ATXN2L: variants seen among roughly 807,000 people sequenced by gnomAD.
The protein encoded by ATXN2L is ataxin-2-like protein.
ATXN2L carries 24 observed loss-of-function variants against 120.7 expected under a neutral mutation model. The observed-to-expected ratio is 0.20, with a 90% CI of 0.14 to 0.28. The LOEUF is 0.28. Among genes scored for constraint, ATXN2L ranks in the 10% least tolerant of loss-of-function variants. The pLI, the probability that ATXN2L is intolerant of heterozygous loss-of-function variation, is 1.00. For missense variants in ATXN2L, 1,312 were observed against 1,432.3 expected, an observed-to-expected ratio of 0.92 and a Z score of 1.36; for synonymous variants, 653 against 568.1, an observed-to-expected ratio of 1.15 and a Z score of -2.13.
At chr16:28,835,007 C>T (rs764967135) in intron 18 of ATXN2L, 51 bp from the exon 19 acceptor site, 9 of 1,580,660 alleles carry the variant, frequency 5.7e-6, no homozygotes, top group Non-Finnish European at 6.9e-6. Context: ...GGCAGGAGGA[C>T]ACCTTCCCAG....
intron 6 of ATXN2L, among the ~76,000 whole-genome samples, chr16:28,827,404 C>T (rs2052521709): frequency 6.6e-6 from 1 of 152,094 alleles, no homozygotes; most frequent in Non-Finnish European, 1.5e-5. Context: ...CACTGCACTC[C>T]AGCCTGGGTG....
At chr16:28,829,635 G>T in intron 7 of ATXN2L, 143 bp downstream of exon 7, 1 of 773,520 alleles carries the variant, frequency 1.3e-6, no homozygotes, top group Non-Finnish European at 2.1e-6. Flanking sequence ...CTGCCTTGTG[G>T]AATTCTTCCC....
rs1179856943 is a variant in ATXN2L at position 28,837,200 on chromosome 16, AAAAT to A, written c.*943_*946del. 6.5e-5 allele frequency: 11 copies of A among 169,718 alleles called. 1 individual carries two copies. The highest frequency in any genetic ancestry group is 6.3e-4 in the South Asian group (4 of 6,368). The allele number at this position is 169,718 out of a possible 1,614,324, so 10.5% of individuals were successfully genotyped here. A position where few individuals can be genotyped will look rare whatever the true frequency, so the allele number is the denominator to read the frequency against. Reference sequence around the variant, plus strand: ...ACTTTTTATTACATAAAAATATTAAAAAATAAATAAAAAAAATAAAATTTTAAAC... The same window carrying A: ...ACTTTTTATTACATAAAAATATTAAAAAATAAAAAAAATAAAATTTTAAAC... On this transcript the variant is annotated 3_prime_UTR_variant, in exon 22 of 22. Transcript: ENST00000336783.
rs754111540 is a variant in ATXN2L, at chr16:28,824,544, T to C, written c.300-822T>C. ...CTGGCGATTGGTGATCCCCGCAGAG[T>C]GGGTAACGGGCTGAATGAGTCATGA... is the stretch of plus-strand genomic sequence containing the variant. On this transcript the variant is annotated intron_variant, in intron 1 of 21. Transcript: ENST00000336783. 5.4e-6 allele frequency: 7 copies of C among 1,286,700 alleles called. No homozygotes were observed. In the South Asian group the frequency reaches 8.7e-5, roughly 16 times the overall value. The allele number at this position is 1,286,700 out of a possible 1,614,324, so 79.7% of individuals were successfully genotyped here.
At chr16:28,833,841 G>C in intron 15 of ATXN2L, 1 of 663,602 alleles carries the variant, frequency 1.5e-6, no homozygotes, top group Non-Finnish European at 2.5e-6. Flanking sequence ...TTGAGCCCCT[G>C]TATTTGGAAG....
intron 4 of ATXN2L, 30 bp from the exon 5 acceptor site, chr16:28,826,210 C>T (rs536824264): frequency 3.7e-6 from 6 of 1,610,802 alleles, no homozygotes; most frequent in African/African-American, 2.7e-5. Context: ...TGAAACTGAC[C>T]CATGGGTGTG....
rs1265206709 is a variant in ATXN2L, at chr16:28,836,115, C to T, written c.3078C>T (p.His1026=). 3.7e-6 allele frequency: 6 copies of T among 1,614,066 alleles called. No individual in the cohort carries two copies. The highest frequency in any genetic ancestry group is 4.2e-6 in the Non-Finnish European group (5 of 1,180,018). ...CCTCACCCTACCCCTACATCGGACA[C>T]CCCCAAGGTGAGCAGCCTGGCCAGG... is the stretch of plus-strand genomic sequence containing the variant. ...STPSPYPYIG[H]PQGEQPGQAP... is the part of the protein sequence containing the mutation. The change falls in exon 22 of 22, where the codon CAC becomes CAT. Residue 1026 remains histidine (H), a synonymous_variant. Transcript: ENST00000336783.
intron 1 of ATXN2L, chr16:28,824,723 G>A: frequency 1.9e-6 from 1 of 535,706 alleles, no homozygotes; most frequent in Non-Finnish European, 2.7e-6. Context: ...CCTCACAGCT[G>A]GCGTGGCTTT....
Position 28,836,578 on chromosome 16 carries a change from T to C in ATXN2L, c.*313T>C. ...GCTCTGGCTTACTGGGAAACAGCGA[T>C]TGACCTGTGCTTCTGACAGCCCCCG... is the stretch of plus-strand genomic sequence containing the variant. On this transcript the variant is annotated 3_prime_UTR_variant, in exon 22 of 22. Coordinates refer to ENST00000336783, the MANE Select transcript of ATXN2L (RefSeq NM_007245.4). The C allele has an allele frequency of 6.4e-6, 10 of 1,570,112 alleles. No homozygotes were observed. Among genetic ancestry groups the C allele is most frequent in the Non-Finnish European group, 8.6e-6 (10 of 1,161,084 alleles).
intron 15 of ATXN2L, chr16:28,833,839 C>T (rs6565216): frequency 0.012 from 8,168 of 657,464 alleles, 344 homozygotes; most frequent in East Asian, 0.12. Flanking sequence ...GCTTGAGCCC[C>T]TGTATTTGGA....
chr16:28,825,338 TTAAG>T lies in ATXN2L; in HGVS notation c.300-24_300-21del, dbSNP rs1483643413. ...GTGGTCTAAGAGGGCTTGAACAGAC[TTAAG>T]TAATTTCTTGTTTTCTTTTATAGGG... On this transcript the variant is annotated intron_variant, in intron 1 of 21. Coordinates refer to ENST00000336783, the MANE Select transcript of ATXN2L (RefSeq NM_007245.4). The T allele has an allele frequency of 1.6e-5, 25 of 1,612,324 alleles. No homozygotes were observed. In the Admixed American group the frequency reaches 4.2e-4, roughly 27 times the overall value.
rs1450124788 is a variant in ATXN2L, at chr16:28,834,611, ATTC to A, written c.2355_2357del (p.Ser786del). On this transcript the variant is annotated inframe_deletion, in exon 18 of 22. Transcript: ENST00000336783. ...CCGCCTCTGGTGGCTGCCACGCCCT[ATTC>A]TTCCTACATCCCCTACAACCCTCAG... 1.9e-6 allele frequency: 3 copies of A among 1,613,788 alleles called. No individual in the cohort carries two copies. The highest frequency in any genetic ancestry group is 2.5e-6 in the Non-Finnish European group (3 of 1,179,980).
rs527797883 is a variant in ATXN2L, at chr16:28,836,335, T to C, written c.*70T>C. Reference sequence around the variant, plus strand: ...GCACCTGTCTGTGAAGTATGTAGGGTGGGCAGAAGCCACAGTCGCCGCCGC... The same window carrying C: ...GCACCTGTCTGTGAAGTATGTAGGGCGGGCAGAAGCCACAGTCGCCGCCGC... On this transcript the variant is annotated 3_prime_UTR_variant, in exon 22 of 22. Coordinates refer to ENST00000336783, the MANE Select transcript of ATXN2L (RefSeq NM_007245.4). The C allele has an allele frequency of 2.5e-6, 4 of 1,612,570 alleles. No homozygotes were observed. The South Asian group carries it at 4.4e-5, about 18-fold the overall frequency.
intron 2 of ATXN2L, 98 bp downstream of exon 2, chr16:28,825,500 C>T: frequency 3.9e-6 from 6 of 1,537,398 alleles, no homozygotes; most frequent in Non-Finnish European, 5.4e-6. Context: ...GTCTAATGTA[C>T]TCAGGAGGGC....
Position 28,824,683 on chromosome 16 carries a change from G to T in ATXN2L, c.300-683G>T, listed in dbSNP as rs532044157. 12 of 900,786 alleles carry T rather than the reference G, an allele frequency of 1.3e-5. No individual in the cohort carries two copies. In the African/African-American group the frequency reaches 1.9e-4, roughly 15 times the overall value. The allele number at this position is 900,786 out of a possible 1,614,324, so 55.8% of individuals were successfully genotyped here. ...GGAGGTAATGTACCTGAGCTAGGTA[G>T]TTCCAAAGCTGCACTCCTGGAGCTT... On this transcript the variant is annotated intron_variant, in intron 1 of 21. Coordinates refer to ENST00000336783, the MANE Select transcript of ATXN2L (RefSeq NM_007245.4).
Position 28,823,220 on chromosome 16 carries a change from C to G in ATXN2L, c.-40C>G. 7.7e-7 allele frequency: 1 copy of G among 1,294,304 alleles called. No homozygotes were observed. The highest frequency in any genetic ancestry group is 1.0e-6 in the Non-Finnish European group (1 of 997,778). 80.2% of individuals were successfully genotyped at this position (1,294,304 alleles called of 1,614,324 possible). Reference sequence around the variant, plus strand: ...GGGCCCCAGCCCCGGCCCCCTCTCTCCCTCCCTTCTCTCTAATTCCCCTTC... The same window carrying G: ...GGGCCCCAGCCCCGGCCCCCTCTCTGCCTCCCTTCTCTCTAATTCCCCTTC... On this transcript the variant is annotated 5_prime_UTR_variant, in exon 1 of 22. Transcript: ENST00000336783.
Position 28,836,409 on chromosome 16 carries a change from A to C in ATXN2L, c.*144A>C. 1 of 1,613,354 alleles carries C rather than the reference A, an allele frequency of 6.2e-7. No individual in the cohort carries two copies. On this transcript the variant is annotated 3_prime_UTR_variant, in exon 22 of 22. Coordinates refer to ENST00000336783, the MANE Select transcript of ATXN2L (RefSeq NM_007245.4). ...CCTTTGCTTCCCTCCGTCCTCGCTC[A>C]GTTGTGATCCAGCAGCCCCCCTCCC...
At chr16:28,829,737 G>A in intron 7 of ATXN2L, 121 bp from the exon 8 acceptor site, 1 of 1,091,922 alleles carries the variant, frequency 9.2e-7, no homozygotes, top group Middle Eastern at 2.3e-4. Context: ...TTACCCAGAT[G>A]TTGAAGGGAT....
chr16:28,834,182 C>T lies in ATXN2L; in HGVS notation c.2143C>T (p.Pro715Ser). ...CAGCCCCCAGTACATCTCCTACATACCTCAGATCCACATGGGACCAGCTGT... is the reference window on the plus strand; with the variant it reads ...CAGCCCCCAGTACATCTCCTACATATCTCAGATCCACATGGGACCAGCTGT... ...LYSPQYISYI[P>S]QIHMGPAVQA... Residue 715 changes from proline to serine, a missense_variant, in exon 16 of 22, where the codon CCT becomes TCT. Pro to Ser is a moderately conservative substitution (Grantham distance 74, BLOSUM62 -1). Transcript: ENST00000336783. 1 of 1,614,130 alleles carries T rather than the reference C, an allele frequency of 6.2e-7. No individual in the cohort carries two copies. The highest frequency in any genetic ancestry group is 8.5e-7 in the Non-Finnish European group (1 of 1,180,006).
Sources: allele counts gnomAD v4.1 joint callset (sites outside exome capture counted in the v4.1 genomes callset), GRCh38; gene constraint gnomAD v4.1.1; transcripts MANE v1.5; gene names NCBI Gene and HGNC (gene_info 2026-07-23, HGNC 2026-07-21).